SUCLG2: variants seen among roughly 807,000 people sequenced by gnomAD.
SUCLG2 encodes the protein succinate--CoA ligase [GDP-forming] subunit beta, mitochondrial.
A neutral mutation model predicts 47.9 loss-of-function variants in SUCLG2; 42 were observed. That is an observed-to-expected ratio of 0.88 (90% CI 0.69 to 1.14). The LOEUF is 1.14. SUCLG2 is among the 50% of genes most tolerant of loss of function. The probability of loss-of-function intolerance (pLI) is 0.00; values close to 1 mark genes in which losing one functional copy is unlikely to be tolerated. For missense variants in SUCLG2, 571 were observed against 525.9 expected, an observed-to-expected ratio of 1.09 and a Z score of -0.84; for synonymous variants, 195 against 197.3, an observed-to-expected ratio of 0.99 and a Z score of 0.10.
intron 2 of SUCLG2, among the ~76,000 whole-genome samples, chr3:67,548,048 TTACTC>T (rs772910142): frequency 1.5e-4 from 23 of 152,336 alleles, no homozygotes; most frequent in Non-Finnish European, 1.2e-4. Flanking sequence ...ATCACTTCCT[TTACTC>T]TATGAAATCA....
Position 67,518,322 on chromosome 3 carries a change from A to T in SUCLG2, c.585T>A (p.Ile195=), listed in dbSNP as rs371562448. The T allele has an allele frequency of 4.6e-5, 74 of 1,610,790 alleles. No individual in the cohort carries two copies. In the African/African-American group the frequency reaches 6.9e-4, roughly 15 times the overall value. ...CTTGGCTGTCCTTTATTCCTTCAAAAATGTCAATTTGCTCCTAGTAAAAAT... is the reference window on the plus strand; with the variant it reads ...CTTGGCTGTCCTTTATTCCTTCAAATATGTCAATTTGCTCCTAGTAAAAAT... ...PELIFKEQID[I]FEGIKDSQAQ... is the part of the protein sequence containing the mutation. Residue 195 remains isoleucine (I), a synonymous_variant, in exon 6 of 11, where the codon ATT becomes ATA. Transcript: ENST00000307227.
chr3:67,485,324 T>A (rs1423595164), intron 9 of SUCLG2, among the ~76,000 whole-genome samples: 1 of 152,236 alleles, frequency 6.6e-6, no homozygotes, highest in Non-Finnish European at 1.5e-5. Context: ...CCAAAGCTTT[T>A]CTTTTTCTTT....
chr3:67,567,950 C>T (rs192608500), intron 2 of SUCLG2, among the ~76,000 whole-genome samples: 193 of 152,268 alleles, frequency 1.3e-3, no homozygotes, highest in African/African-American at 4.4e-3. Flanking sequence ...ACGCTGTTAG[C>T]CGCCTCAGCA....
At position 67,500,993 on chromosome 3, in the gene SUCLG2, G is replaced by A. The variant is rs949607640; in HGVS notation, c.758-2698C>T. On this transcript the variant is annotated intron_variant, in intron 7 of 10. Coordinates refer to ENST00000307227, the MANE Select transcript of SUCLG2 (RefSeq NM_003848.4). ...CTGCAAAGCTAGATTTTCAGAGGAT[G>A]TTTTTCTGTGGTATGACGTTCTCTC... Among the ~76,000 whole-genome samples the A allele has an allele frequency of 3.9e-5, 6 of 152,172 alleles. No homozygotes were observed. The East Asian group carries it at 9.6e-4, about 24-fold the overall frequency.
intron 2 of SUCLG2, among the ~76,000 whole-genome samples, chr3:67,543,198 C>A (rs1344185872): frequency 6.6e-6 from 1 of 152,200 alleles, no homozygotes; most frequent in Non-Finnish European, 1.5e-5. Context: ...AATTCAACAA[C>A]CTGCTCCGGA....
intron 4 of SUCLG2, among the ~76,000 whole-genome samples, chr3:67,522,917 G>A (rs1341040816): frequency 1.3e-5 from 2 of 151,918 alleles, no homozygotes; most frequent in African/African-American, 4.8e-5. Flanking sequence ...GCCCGCCTCG[G>A]CCTCCCAAAG....
At chr3:67,605,301 C>A (rs1171771969) in intron 2 of SUCLG2, among the ~76,000 whole-genome samples, 3 of 152,174 alleles carry the variant, frequency 2.0e-5, no homozygotes, top group Non-Finnish European at 2.9e-5. Flanking sequence ...AATGTAAATA[C>A]TCTGAAGTTT....
chr3:67,388,672 G>A (rs1487963160), intron 10 of SUCLG2, among the ~76,000 whole-genome samples: 2 of 152,162 alleles, frequency 1.3e-5, no homozygotes. Flanking sequence ...TTTAGACTAA[G>A]GAAATGCAGA....
intron 10 of SUCLG2, among the ~76,000 whole-genome samples, chr3:67,369,416 G>T (rs1409520068): frequency 6.6e-6 from 1 of 152,124 alleles, no homozygotes; most frequent in Non-Finnish European, 1.5e-5. Flanking sequence ...CACAGCAGCT[G>T]TCTACCTTCT....
chr3:67,470,818 C>T (rs1704586379), intron 9 of SUCLG2, among the ~76,000 whole-genome samples: 1 of 152,182 alleles, frequency 6.6e-6, no homozygotes, highest in Non-Finnish European at 1.5e-5. Context: ...AAGATAAATG[C>T]CTCAGAGTTC....
At chr3:67,450,970 A>C (rs1704044232) in intron 9 of SUCLG2, among the ~76,000 whole-genome samples, 1 of 152,100 alleles carries the variant, frequency 6.6e-6, no homozygotes, top group Non-Finnish European at 1.5e-5. Context: ...TTGAGCGCTT[A>C]CTCTGTGCTA....
At chr3:67,472,110 TC>T (rs1329247478) in intron 9 of SUCLG2, among the ~76,000 whole-genome samples, 3 of 152,184 alleles carry the variant, frequency 2.0e-5, no homozygotes, top group African/African-American at 7.2e-5. Flanking sequence ...TCCTACTTTG[TC>T]CATCCATGAA....
chr3:67,426,012 T>G (rs7616627), intron 9 of SUCLG2, among the ~76,000 whole-genome samples: 11,729 of 152,174 alleles, frequency 0.077, 504 homozygotes, highest in East Asian at 0.11. Context: ...AGAATATAAC[T>G]CAATTACCAA....
At chr3:67,632,592 G>T (rs1414586487) in intron 1 of SUCLG2, among the ~76,000 whole-genome samples, 1 of 152,088 alleles carries the variant, frequency 6.6e-6, no homozygotes, top group Non-Finnish European at 1.5e-5. Flanking sequence ...CTGGATCACG[G>T]ACTTGTTTGA....
chr3:67,381,066 A>G (rs1326424835), intron 10 of SUCLG2, among the ~76,000 whole-genome samples: 1 of 152,112 alleles, frequency 6.6e-6, no homozygotes, highest in African/African-American at 2.4e-5. Flanking sequence ...AGTCCCAGCT[A>G]CTCAGGAGGC....
chr3:67,464,250 A>C (rs1445855246), intron 9 of SUCLG2, among the ~76,000 whole-genome samples: 1 of 152,112 alleles, frequency 6.6e-6, no homozygotes, highest in African/African-American at 2.4e-5. Flanking sequence ...ATAAGCACCA[A>C]CCTCTTCTGG....
intron 2 of SUCLG2, among the ~76,000 whole-genome samples, chr3:67,561,856 A>C (rs1437223115): frequency 6.6e-6 from 1 of 152,198 alleles, no homozygotes; most frequent in Non-Finnish European, 1.5e-5. Context: ...CATGACACAC[A>C]CTTACATGCA....
chr3:67,529,835 AAAG>A (rs1173964623), intron 2 of SUCLG2, among the ~76,000 whole-genome samples: 1 of 152,244 alleles, frequency 6.6e-6, no homozygotes, highest in African/African-American at 2.4e-5. Flanking sequence ...TCCACGAATG[AAAG>A]AACTCTCTAA....
chr3:67,479,481 T>C (rs867581585), intron 9 of SUCLG2, among the ~76,000 whole-genome samples: 2 of 152,234 alleles, frequency 1.3e-5, no homozygotes, highest in African/African-American at 4.8e-5. Flanking sequence ...ATTATCACGA[T>C]GTTTGTCAAA....
Sources: allele counts gnomAD v4.1 joint callset (sites outside exome capture counted in the v4.1 genomes callset), GRCh38; gene constraint gnomAD v4.1.1; transcripts MANE v1.5; gene names NCBI Gene and HGNC (gene_info 2026-07-23, HGNC 2026-07-21).